The following SCAF1 variants were observed in gnomAD, a reference collection of about 807,000 sequenced individuals.
SCAF1 encodes the protein splicing factor, arginine/serine-rich 19.
SCAF1 carries 28 observed loss-of-function variants against 91.2 expected under a neutral mutation model. That is an observed-to-expected ratio of 0.31 (90% CI 0.23 to 0.42). SCAF1 has a LOEUF of 0.42. Among genes scored for constraint, SCAF1 ranks in the 10% least tolerant of loss-of-function variants. The probability of loss-of-function intolerance (pLI) is 1.00; values close to 1 mark genes in which losing one functional copy is unlikely to be tolerated. For synonymous variants in SCAF1, 1,036 were observed against 833.7 expected (o/e 1.24, Z -4.18); for missense variants, 1,893 against 1,872.1 (o/e 1.01, Z -0.21).
intron 10 of SCAF1, 118 bp from the exon 11 acceptor site, chr19:49,658,090 C>A (rs1003728619): frequency 5.5e-6 from 7 of 1,276,754 alleles, no homozygotes; most frequent in Middle Eastern, 2.4e-4. Context: ...GACAGAGGGA[C>A]TTTGGCCTGG....
intron 9 of SCAF1, 122 bp downstream of exon 9, chr19:49,654,992 A>G: frequency 1.3e-6 from 1 of 765,744 alleles, no homozygotes; most frequent in South Asian, 2.1e-5. Context: ...GGCCGTAGAG[A>G]CCAAAGTCAT....
Position 49,643,451 on chromosome 19 carries a change from C to G in SCAF1, c.-7+1209C>G, listed in dbSNP as rs2081038294. 3.3e-5 allele frequency among the ~76,000 whole-genome samples: 5 copies of G among 152,328 alleles called. No individual in the cohort carries two copies. In the South Asian group the frequency reaches 1.0e-3, roughly 32 times the overall value. On this transcript the variant is annotated intron_variant, in intron 1 of 10. Transcript: ENST00000360565. ...ATTTTGTTCTATTTACTTTTTAAAA[C>G]AAGCTATTTGTGAAGCACTAAACTG...
chr19:49,652,727 CGGGACA>C lies in SCAF1; in HGVS notation c.2346_2351del (p.Asp789_Arg790del). The C allele has an allele frequency of 1.9e-6, 3 of 1,599,286 alleles. No homozygotes were observed. The highest frequency in any genetic ancestry group is 2.6e-6 in the Non-Finnish European group (3 of 1,173,194). On this transcript the variant is annotated inframe_deletion, in exon 7 of 11. Coordinates refer to ENST00000360565, the MANE Select transcript of SCAF1 (RefSeq NM_021228.3). Reference sequence around the variant, plus strand: ...GGCGCTGGACGGGGGTGACCGGGATCGGGACAGGGACAGAGATAGGGACAGGGACAG... The same window carrying C: ...GGCGCTGGACGGGGGTGACCGGGATCGGGACAGAGATAGGGACAGGGACAG...
rs1284205933 is a variant in SCAF1 at position 49,653,104 on chromosome 19, G to A, written c.2715G>A (p.Lys905=). 6.2e-7 allele frequency: 1 copy of A among 1,612,530 alleles called. No homozygotes were observed. The highest frequency in any genetic ancestry group is 8.5e-7 in the Non-Finnish European group (1 of 1,179,322). ...CCAAAAAGACCAAGGTCAAGGCCAA[G>A]GCAGGGGCCAAGAAAACCAAGGGGA... ...TKPKKTKVKA[K]AGAKKTKGTK... is the part of the protein sequence containing the mutation. The change falls in exon 7 of 11, where the codon AAG becomes AAA. Residue 905 remains lysine (K), a synonymous_variant. Transcript: ENST00000360565.
intron 9 of SCAF1, among the ~76,000 whole-genome samples, chr19:49,657,000 CAAG>C (rs2081143557): frequency 6.6e-6 from 1 of 152,118 alleles, no homozygotes; most frequent in South Asian, 2.1e-4. Context: ...ACAAAAAGTA[CAAG>C]AATTAGCCAG....
chr19:49,650,578 T>G (rs572424100), intron 6 of SCAF1, among the ~76,000 whole-genome samples: 1 of 152,072 alleles, frequency 6.6e-6, no homozygotes, highest in East Asian at 1.9e-4. Flanking sequence ...GATATGGGAG[T>G]GCAGGTTCGG....
Position 49,654,760 on chromosome 19 carries a change from C to T in SCAF1, c.3508C>T (p.Leu1170Phe), listed in dbSNP as rs770939194. 5 of 1,613,770 alleles carry T rather than the reference C, an allele frequency of 3.1e-6. No homozygotes were observed. The highest frequency in any genetic ancestry group is 4.2e-6 in the Non-Finnish European group (5 of 1,179,866). ...GPSSYLLPGS[L>F]PLGGCGSTPP... ...CTCCAGCTACCTGCTTCCTGGCAGC[C>T]TCCCTCTGGGGGGCTGCGGTTCGAC... The change falls in exon 9 of 11, where the codon CTC becomes TTC. Residue 1170 changes from leucine (L) to phenylalanine (F), a missense_variant. Physicochemically the swap from Leu to Phe is conservative, Grantham distance 22. Around this residue, in one of 5 missense-constraint regions of SCAF1, gnomAD observed 1,436 missense variants for 1,306.8 expected, o/e 1.10. Transcript: ENST00000360565.
Position 49,652,866 on chromosome 19 carries a change from G to T in SCAF1, c.2477G>T (p.Cys826Phe), listed in dbSNP as rs1872527148. 3.1e-6 allele frequency: 5 copies of T among 1,614,022 alleles called. No individual in the cohort carries two copies. Among genetic ancestry groups the T allele is most frequent in the East Asian group, 2.2e-5 (1 of 44,880 alleles). The change falls in exon 7 of 11, where the codon TGT becomes TTT. Residue 826 changes from cysteine (C) to phenylalanine (F), a missense_variant. This residue lies in a region of SCAF1 where 1,436 missense variants were observed against 1,306.8 expected (regional missense o/e 1.10). Coordinates refer to ENST00000360565, the MANE Select transcript of SCAF1 (RefSeq NM_021228.3). ...GGCTCTTCATCCTCGTCGTCCTCCT[G>T]TTCTTCCCGGAAGGTGAAGCTGCAG... ...GSGSSSSSSS[C>F]SSRKVKLQSK...
intron 9 of SCAF1, among the ~76,000 whole-genome samples, chr19:49,656,768 G>T (rs1348281338): frequency 6.6e-6 from 1 of 152,182 alleles, no homozygotes; most frequent in Admixed American, 6.5e-5. Context: ...AGCTCCCCTG[G>T]ATTGAGTCTT....
rs1409791145 is a variant in SCAF1, at chr19:49,652,942, C to A, written c.2553C>A (p.Ala851=). 1 of 1,613,934 alleles carries A rather than the reference C, an allele frequency of 6.2e-7. No homozygotes were observed. Among genetic ancestry groups the A allele is most frequent in the Non-Finnish European group, 8.5e-7 (1 of 1,179,994 alleles). ...AGGGTGTCAGCAGCACCACCCCGGC[C>A]AAGGATGCCGCGTCAGCCGGCCTGG... is the stretch of plus-strand genomic sequence containing the variant. ...IREGVSSTTP[A]KDAASAGLGS... Residue 851 remains alanine (A), a synonymous_variant, in exon 7 of 11, where the codon GCC becomes GCA. Coordinates refer to ENST00000360565, the MANE Select transcript of SCAF1 (RefSeq NM_021228.3).
chr19:49,651,808 C>T lies in SCAF1; in HGVS notation c.1419C>T (p.Ala473=), dbSNP rs1247430966. Residue 473 remains alanine, a synonymous_variant, in exon 7 of 11, where the codon GCC becomes GCT. Transcript: ENST00000360565. ...AGCCGGCTCCCGCGCCGCCCGCCGCCGACTCGCGCTGGGGCGGCCTGGACC... is the reference window on the plus strand; with the variant it reads ...AGCCGGCTCCCGCGCCGCCCGCCGCTGACTCGCGCTGGGGCGGCCTGGACC... ...LGEPAPAPPA[A]DSRWGGLDLR... 7.9e-6 allele frequency: 10 copies of T among 1,262,692 alleles called. No homozygotes were observed. The highest frequency in any genetic ancestry group is 1.0e-5 in the Non-Finnish European group (10 of 1,004,546). 78.2% of individuals were successfully genotyped at this position (1,262,692 alleles called of 1,614,324 possible).
Position 49,653,476 on chromosome 19 carries a change from A to AGAG in SCAF1, c.3096_3098dup (p.Glu1039dup), listed in dbSNP as rs750992003. On this transcript the variant is annotated inframe_insertion, in exon 7 of 11. Transcript: ENST00000360565. Reference sequence around the variant, plus strand: ...CGGAGGAGGAGGAGGAGGAAGAAGAAGAGGAGGAGGAAGAGGAAGAGGAGG... The same window carrying AGAG: ...CGGAGGAGGAGGAGGAGGAAGAAGAAGAGGAGGAGGAGGAAGAGGAAGAGGAGG... 6.4e-7 allele frequency: 1 copy of AGAG among 1,556,574 alleles called. No individual in the cohort carries two copies. Among genetic ancestry groups the AGAG allele is most frequent in the Non-Finnish European group, 8.7e-7 (1 of 1,153,610 alleles).
Position 49,651,047 on chromosome 19 carries a change from C to T in SCAF1, c.658C>T (p.Pro220Ser). 3.8e-6 allele frequency: 5 copies of T among 1,320,824 alleles called. No homozygotes were observed. The highest frequency in any genetic ancestry group is 5.1e-6 in the Non-Finnish European group (5 of 977,818). 81.8% of individuals were successfully genotyped at this position (1,320,824 alleles called of 1,614,324 possible). A position where few individuals can be genotyped will look rare whatever the true frequency, so the allele number is the denominator to read the frequency against. ...PPPPPPAPPA[P>S]PAPRFDIYDP... ...CCCACCGCCCCCTGCACCCCCAGCC[C>T]CACCTGCCCCCCGATTCGATATCTA... Residue 220 changes from proline to serine, a missense_variant, in exon 7 of 11, where the codon CCA (proline) becomes TCA (serine). This residue lies in a region of SCAF1 where 270 missense variants were observed against 292.5 expected (regional missense o/e 0.92). Transcript: ENST00000360565.
rs369854204 is a variant in SCAF1, at chr19:49,643,326, C to T, written c.-7+1084C>T. The stretch of plus-strand genomic sequence containing the variant: ...TTCATTGAGACCTGGTACAGACAGT[C>T]ATAATGTATTTAACATTATATAACA... On this transcript the variant is annotated intron_variant, in intron 1 of 10. Coordinates refer to ENST00000360565, the MANE Select transcript of SCAF1 (RefSeq NM_021228.3). Among the ~76,000 whole-genome samples, 36 of 152,298 alleles carry T rather than the reference C, an allele frequency of 2.4e-4. No individual in the cohort carries two copies. The South Asian group carries it at 7.5e-3, about 32-fold the overall frequency.
chr19:49,652,609 G>C lies in SCAF1; in HGVS notation c.2220G>C (p.Glu740Asp), dbSNP rs545504854. Reference protein sequence around the residue: ...VLYDSEGLSGEERGGKSSQKD... With the variant: ...VLYDSEGLSGDERGGKSSQKD... ...ACGACTCCGAGGGACTGAGCGGCGA[G>C]GAGCGGGGCGGCAAGAGCAGCCAGA... The change falls in exon 7 of 11, where the codon GAG (glutamate) becomes GAC (aspartate). Residue 740 changes from glutamate (E) to aspartate (D), a missense_variant. Around this residue, in one of 5 missense-constraint regions of SCAF1, gnomAD observed 1,436 missense variants for 1,306.8 expected, o/e 1.10. Transcript: ENST00000360565. 354 of 1,562,928 alleles carry C rather than the reference G, an allele frequency of 2.3e-4. 2 individuals carry two copies. The highest frequency in any genetic ancestry group is 1.5e-4 in the Non-Finnish European group (171 of 1,153,696).
rs762890783 is a variant in SCAF1 at position 49,651,477 on chromosome 19, G to C, written c.1088G>C (p.Arg363Pro). 7.2e-5 allele frequency: 114 copies of C among 1,582,128 alleles called. No individual in the cohort carries two copies. The highest frequency in any genetic ancestry group is 9.3e-5 in the Non-Finnish European group (108 of 1,166,012). ...FVVGTEAEACREGKVSVEVVT... is the reference protein window; with the variant it reads ...FVVGTEAEACPEGKVSVEVVT... ...GTGGGGACCGAGGCAGAGGCTTGTC[G>C]GGAAGGCAAGGTCTCGGTGGAGGTG... Residue 363 changes from arginine to proline, a missense_variant, in exon 7 of 11, where the codon CGG becomes CCG. Physicochemically the swap from Arg to Pro is moderately radical, Grantham distance 103. Around this residue, in one of 5 missense-constraint regions of SCAF1, gnomAD observed 1,436 missense variants for 1,306.8 expected, o/e 1.10. Coordinates refer to ENST00000360565, the MANE Select transcript of SCAF1 (RefSeq NM_021228.3).
rs200123103 is a variant in SCAF1 at position 49,658,418 on chromosome 19, C to A, written c.*19C>A. ...TCTCTGAGAGCCCTGGCCAGCTCTT[C>A]GCCCCTCACCTCTTTGAAACTCTGG... On this transcript the variant is annotated 3_prime_UTR_variant, in exon 11 of 11. Coordinates refer to ENST00000360565, the MANE Select transcript of SCAF1 (RefSeq NM_021228.3). 1.6e-5 allele frequency: 23 copies of A among 1,438,950 alleles called. No individual in the cohort carries two copies. The highest frequency in any genetic ancestry group is 2.1e-5 in the Non-Finnish European group (22 of 1,066,856). The allele number at this position is 1,438,950 out of a possible 1,614,324, so 89.1% of individuals were successfully genotyped here.
At position 49,652,375 on chromosome 19, in the gene SCAF1, C is replaced by T. The variant is rs781710320; in HGVS notation, c.1986C>T (p.Ala662=). The T allele has an allele frequency of 2.5e-5, 38 of 1,542,994 alleles. No homozygotes were observed. The highest frequency in any genetic ancestry group is 3.2e-5 in the Non-Finnish European group (37 of 1,147,962). Residue 662 remains alanine (A), a synonymous_variant, in exon 7 of 11, where the codon GCC becomes GCT. Transcript: ENST00000360565. The part of the protein sequence containing the change: ...EKRSGDGSEK[A]PAPAPPPSGS... ...GGTCTGGGGATGGCAGCGAGAAGGCCCCGGCGCCCGCCCCGCCGCCCTCTG... is the reference window on the plus strand; with the variant it reads ...GGTCTGGGGATGGCAGCGAGAAGGCTCCGGCGCCCGCCCCGCCGCCCTCTG...
In SCAF1 at chr19:49,643,093, GC is replaced by G. The variant is rs566731800; in HGVS notation, c.-7+854del. Reference sequence around the variant, plus strand: ...TACGGAAAGAGAATGAGGAAATTTTGCCCAGCTTAGATATACTTGCCCTTCA... The same window carrying G: ...TACGGAAAGAGAATGAGGAAATTTTGCCAGCTTAGATATACTTGCCCTTCA... On this transcript the variant is annotated intron_variant, in intron 1 of 10. Transcript: ENST00000360565. Among the ~76,000 whole-genome samples, 5 of 152,196 alleles carry G rather than the reference GC, an allele frequency of 3.3e-5. 1 individual carries two copies. The highest frequency in any genetic ancestry group is 7.3e-5 in the Non-Finnish European group (5 of 68,042).
Sources: allele counts gnomAD v4.1 joint callset (sites outside exome capture counted in the v4.1 genomes callset), GRCh38; gene constraint gnomAD v4.1.1; regional missense constraint gnomAD v4.1.1; transcripts MANE v1.5; gene names NCBI Gene and HGNC (gene_info 2026-07-23, HGNC 2026-07-21).